The following GPR158 variants were observed in gnomAD, a reference collection of about 807,000 sequenced individuals.
GPR158 encodes the protein metabotropic glycine receptor.
GPR158 carries 30 observed loss-of-function variants against 78.2 expected under a neutral mutation model. That is an observed-to-expected ratio of 0.38 (90% confidence interval 0.29 to 0.52). GPR158 has a LOEUF of 0.52. GPR158 is among the 20% of genes least tolerant of loss of function. The pLI is 0.83. For missense variants in GPR158, 1,463 were observed against 1,523.5 expected, an observed-to-expected ratio of 0.96 and a Z score of 0.66; for synonymous variants, 581 against 591.1, an observed-to-expected ratio of 0.98 and a Z score of 0.25.
chr10:25,427,010 C>G (rs2130569860), intron 4 of GPR158, among the ~76,000 whole-genome samples: 1 of 151,976 alleles, frequency 6.6e-6, no homozygotes, highest in African/African-American at 2.4e-5. Flanking sequence ...TGCTATACAT[C>G]TCTTTGAGAA....
chr10:25,437,452 C>T (rs561552586), intron 4 of GPR158, among the ~76,000 whole-genome samples: 1 of 152,252 alleles, frequency 6.6e-6, no homozygotes, highest in African/African-American at 2.4e-5. Flanking sequence ...TCTCGAACTC[C>T]TGGGCTCAAG....
intron 2 of GPR158, among the ~76,000 whole-genome samples, chr10:25,361,305 A>G (rs564667931): frequency 4.5e-4 from 69 of 151,992 alleles, no homozygotes; most frequent in African/African-American, 1.6e-3. Context: ...TATTGTTTCT[A>G]TATACCACAT....
intron 2 of GPR158, among the ~76,000 whole-genome samples, chr10:25,326,731 T>C (rs191702878): frequency 9.2e-5 from 14 of 152,344 alleles, no homozygotes; most frequent in African/African-American, 3.4e-4. Flanking sequence ...TTGAATATTA[T>C]TAAGAGAGTA....
intron 2 of GPR158, among the ~76,000 whole-genome samples, chr10:25,383,037 A>G (rs932225089): frequency 4.6e-5 from 7 of 151,900 alleles, no homozygotes; most frequent in Non-Finnish European, 1.0e-4. Context: ...GGCTTTCACT[A>G]TGTTGGCCAG....
At chr10:25,208,268 T>C (rs1337262624) in intron 1 of GPR158, among the ~76,000 whole-genome samples, 1 of 152,242 alleles carries the variant, frequency 6.6e-6, no homozygotes, top group East Asian at 1.9e-4. Context: ...TGTTTTTTCC[T>C]GATTTTACTT....
intron 2 of GPR158, among the ~76,000 whole-genome samples, chr10:25,237,688 A>G (rs1853542289): frequency 2.0e-5 from 3 of 152,178 alleles, no homozygotes; most frequent in South Asian, 4.1e-4. Context: ...GGCACATGAT[A>G]CCTTTTAAAG....
At chr10:25,285,257 TTCTC>T (rs1034064004) in intron 2 of GPR158, among the ~76,000 whole-genome samples, 1 of 150,694 alleles carries the variant, frequency 6.6e-6, no homozygotes, top group African/African-American at 2.5e-5. Flanking sequence ...TTCTTTCTCC[TTCTC>T]TCTCTCTACA....
intron 6 of GPR158, among the ~76,000 whole-genome samples, chr10:25,572,339 C>T (rs1363484348): frequency 6.6e-6 from 1 of 152,112 alleles, no homozygotes; most frequent in East Asian, 1.9e-4. Context: ...TGTTAAAACT[C>T]TGCATAAGCC....
chr10:25,533,362 A>C (rs750583255), intron 5 of GPR158, among the ~76,000 whole-genome samples: 3 of 152,182 alleles, frequency 2.0e-5, no homozygotes, highest in Non-Finnish European at 4.4e-5. Context: ...CAATTTACTG[A>C]ATCAGTTTCT....
intron 2 of GPR158, among the ~76,000 whole-genome samples, chr10:25,293,583 C>T (rs1009717413): frequency 2.6e-5 from 4 of 151,970 alleles, no homozygotes; most frequent in Admixed American, 2.0e-4. Flanking sequence ...TTTTGTAGAC[C>T]CAATATTTTT....
rs567530663 is a variant in GPR158, at chr10:25,532,671, C to T, written c.1405-18305C>T. On this transcript the variant is annotated intron_variant, in intron 5 of 10. Transcript: ENST00000376351. The stretch of plus-strand genomic sequence containing the variant: ...CCATTTTAAGAGCCAGGCATTTATG[C>T]AATGACCTAACCAGAAATCCTTTTA... Among the ~76,000 whole-genome samples the T allele has an allele frequency of 1.3e-4, 19 of 151,576 alleles. 2 individuals carry two copies. The South Asian group carries it at 3.7e-3, about 30-fold the overall frequency.
intron 2 of GPR158, among the ~76,000 whole-genome samples, chr10:25,276,649 G>A (rs755346017): frequency 6.6e-6 from 1 of 152,164 alleles, no homozygotes; most frequent in Non-Finnish European, 1.5e-5. Flanking sequence ...GAGGAACATT[G>A]TAACTGGAAT....
intron 2 of GPR158, among the ~76,000 whole-genome samples, chr10:25,225,042 A>ATTTC (rs2130687709): frequency 6.6e-6 from 1 of 152,240 alleles, no homozygotes; most frequent in Admixed American, 6.5e-5. Context: ...CTCACTTGAA[A>ATTTC]AGACTTTCTC....
chr10:25,259,766 A>G (rs531156261), intron 2 of GPR158, among the ~76,000 whole-genome samples: 23 of 152,098 alleles, frequency 1.5e-4, no homozygotes, highest in Non-Finnish European at 2.4e-4. Context: ...TATCTTAACT[A>G]AAGTTTGTAA....
chr10:25,386,907 T>C (rs1834229151), intron 2 of GPR158, among the ~76,000 whole-genome samples: 1 of 152,182 alleles, frequency 6.6e-6, no homozygotes, highest in African/African-American at 2.4e-5. Flanking sequence ...ATATAAGATC[T>C]TGTCATCTGT....
At chr10:25,291,362 T>A (rs1007704766) in intron 2 of GPR158, among the ~76,000 whole-genome samples, 1 of 152,076 alleles carries the variant, frequency 6.6e-6, no homozygotes, top group African/African-American at 2.4e-5. Flanking sequence ...TGATTTATCG[T>A]GTCTAGTAGA....
intron 1 of GPR158, among the ~76,000 whole-genome samples, chr10:25,205,288 T>A (rs866598133): frequency 1.4e-5 from 2 of 147,660 alleles, no homozygotes; most frequent in African/African-American, 2.5e-5. Flanking sequence ...TTTTTTTTTT[T>A]ATTAGTCTAA....
At chr10:25,394,991 A>C (rs887533439) in intron 2 of GPR158, among the ~76,000 whole-genome samples, 1 of 152,144 alleles carries the variant, frequency 6.6e-6, no homozygotes. Flanking sequence ...ATGTGTTGGA[A>C]TCATGGTAGA....
intron 2 of GPR158, among the ~76,000 whole-genome samples, chr10:25,262,679 C>T (rs1346310632): frequency 5.3e-5 from 8 of 152,132 alleles, no homozygotes; most frequent in African/African-American, 1.4e-4. Flanking sequence ...ACATTCTGCA[C>T]CACAGTGGTT....
Sources: gnomAD v4.1 joint callset for allele counts (sites outside exome capture counted in the v4.1 genomes callset) on GRCh38, gnomAD v4.1.1 for gene constraint, MANE v1.5 for transcripts, NCBI Gene and HGNC (gene_info 2026-07-23, HGNC 2026-07-21) for gene names.